Variants in HIF3A observed in about 807,000 individuals in gnomAD.
The protein encoded by HIF3A is hypoxia inducible factor 3 subunit alpha.
Under a neutral mutation model 67.2 loss-of-function variants are expected in HIF3A, and 41 were observed. That is an observed-to-expected ratio of 0.61 (90% CI 0.48 to 0.79). The LOEUF is 0.79. HIF3A is among the 30% of genes least tolerant of loss of function. The pLI is 0.00. For missense variants in HIF3A, 855 were observed against 898.0 expected (o/e 0.95, Z 0.61); for synonymous variants, 356 against 374.8 (o/e 0.95, Z 0.58).
chr19:46,339,216 T>C (rs1406441046), intron 14 of HIF3A, among the ~76,000 whole-genome samples: 4 of 151,902 alleles, frequency 2.6e-5, no homozygotes, highest in Non-Finnish European at 5.9e-5. Flanking sequence ...TAAAAAAAAA[T>C]CAAATGTTTA....
intron 3 of HIF3A, among the ~76,000 whole-genome samples, chr19:46,307,353 G>A (rs971438979): frequency 1.3e-5 from 2 of 152,176 alleles, no homozygotes; most frequent in African/African-American, 4.8e-5. Context: ...TGTAATTCCA[G>A]TACTTTGGGA....
intron 3 of HIF3A, among the ~76,000 whole-genome samples, chr19:46,305,846 AT>A (rs1268672085): frequency 6.6e-6 from 1 of 152,140 alleles, no homozygotes; most frequent in Non-Finnish European, 1.5e-5. Context: ...AGAGGCCAAG[AT>A]GGGAGGATAG....
chr19:46,307,037 C>T lies in HIF3A; in HGVS notation c.364-1184C>T, dbSNP rs77603397. ...TCGGGGCCTTGCGCTTACTATTCCC[C>T]TCTTTCTAGAATACTCTTACTCCAG... On this transcript the variant is annotated intron_variant, in intron 3 of 14. Coordinates refer to ENST00000377670, the MANE Select transcript of HIF3A (RefSeq NM_152795.4). 6.0e-3 allele frequency among the ~76,000 whole-genome samples: 910 copies of T among 152,236 alleles called. 9 individuals carry two copies. The highest frequency in any genetic ancestry group is 0.021 in the African/African-American group (870 of 41,532).
At position 46,308,748 on chromosome 19, in the gene HIF3A, C is replaced by G; in HGVS notation, c.534C>G (p.Thr178=). The change falls in exon 5 of 15, where the codon ACC becomes ACG. Residue 178 remains threonine (T), a synonymous_variant. Transcript: ENST00000377670. The part of the protein sequence containing the change: ...MKSTLTSRGR[T]LNLKAATWKV... ...GTACACTCACCAGCCGCGGGCGCAC[C>G]CTCAACCTCAAGGCGGCCACCTGGA... 2 of 1,609,088 alleles carry G rather than the reference C, an allele frequency of 1.2e-6. No homozygotes were observed. The highest frequency in any genetic ancestry group is 1.7e-6 in the Non-Finnish European group (2 of 1,177,784).
chr19:46,322,735 C>G (rs1361996957), intron 10 of HIF3A, among the ~76,000 whole-genome samples: 2 of 152,166 alleles, frequency 1.3e-5, no homozygotes, highest in Non-Finnish European at 2.9e-5. Flanking sequence ...GCCACCGTAC[C>G]TGGCTCTTTG....
At chr19:46,316,721 T>G (rs1033286527) in intron 8 of HIF3A, among the ~76,000 whole-genome samples, 8 of 150,476 alleles carry the variant, frequency 5.3e-5, no homozygotes, top group African/African-American at 2.0e-4. Flanking sequence ...GAGAATCACT[T>G]GAACCCCGGA....
intron 11 of HIF3A, among the ~76,000 whole-genome samples, chr19:46,328,434 TA>T (rs753911442): frequency 9.2e-5 from 14 of 152,232 alleles, no homozygotes; most frequent in Non-Finnish European, 1.9e-4. Flanking sequence ...TTAGGAGAAA[TA>T]TTTTTTTATC....
At chr19:46,298,888 G>A (rs1005844099) in intron 1 of HIF3A, among the ~76,000 whole-genome samples, 1 of 150,660 alleles carries the variant, frequency 6.6e-6, no homozygotes, top group African/African-American at 2.4e-5. Flanking sequence ...TTCGTAAGAC[G>A]CCCCCCCCCA....
At chr19:46,326,535 ACACTCACC>A (rs1320568629) in intron 11 of HIF3A, among the ~76,000 whole-genome samples, 1 of 152,100 alleles carries the variant, frequency 6.6e-6, no homozygotes, top group Non-Finnish European at 1.5e-5. Context: ...CATGCAAAAT[ACACTCACC>A]CACCTCTCAA....
Position 46,332,783 on chromosome 19 carries a change from A to T in HIF3A, c.1830+1510A>T, listed in dbSNP as rs140595667. The stretch of plus-strand genomic sequence containing the variant: ...ATAATCACTTGAAGTCTGGAGTTCA[A>T]GTCCAGCCTGGCCAACATGGTGAAA... On this transcript the variant is annotated intron_variant, in intron 13 of 14. Coordinates refer to ENST00000377670, the MANE Select transcript of HIF3A (RefSeq NM_152795.4). Among the ~76,000 whole-genome samples, 772 of 152,282 alleles carry T rather than the reference A, an allele frequency of 5.1e-3. 8 individuals are homozygous for T. Among genetic ancestry groups the T allele is most frequent in the African/African-American group, 0.018 (744 of 41,552 alleles).
At chr19:46,320,208 C>T (rs575563151) in intron 8 of HIF3A, 39 of 415,232 alleles carry the variant, frequency 9.4e-5, no homozygotes, top group African/African-American at 3.1e-4. Flanking sequence ...CCAGCCTGGG[C>T]GACAGAGTGA....
intron 14 of HIF3A, among the ~76,000 whole-genome samples, chr19:46,337,970 G>A (rs1213153801): frequency 6.6e-6 from 1 of 152,168 alleles, no homozygotes; most frequent in Non-Finnish European, 1.5e-5. Flanking sequence ...GGTGGGCGGT[G>A]GCTAAGCACA....
intron 1 of HIF3A, chr19:46,303,466 AG>A: frequency 1.6e-6 from 1 of 621,348 alleles, no homozygotes; most frequent in Non-Finnish European, 2.8e-6. Context: ...ACTGCAGGGC[AG>A]GGGGCCTGGG....
intron 1 of HIF3A, among the ~76,000 whole-genome samples, chr19:46,302,426 G>A (rs1386972557): frequency 1.3e-5 from 2 of 150,882 alleles, no homozygotes. Flanking sequence ...CACTGCGCCC[G>A]GCCTGTTTTT....
At chr19:46,313,249 TCAAA>T (rs111621893) in intron 8 of HIF3A, 768,077 of 873,646 alleles carry the variant, frequency 0.88, 339,553 homozygotes, top group Non-Finnish European at 0.89. Context: ...AGACTCTGTC[TCAAA>T]CAAACAAACA....
In HIF3A at chr19:46,341,661, G is replaced by A. The variant is rs926644019; in HGVS notation, c.*2039G>A. On this transcript the variant is annotated 3_prime_UTR_variant, in exon 15 of 15. Transcript: ENST00000377670. ...CTTCTTTTTTTTTTTTTTCTTTTTT[G>A]AGATGGAGTCTCTCTCTGTTGCCCA... 1 of 112,152 alleles carries A rather than the reference G, an allele frequency of 8.9e-6. No individual in the cohort carries two copies. Among genetic ancestry groups the A allele is most frequent in the African/African-American group, 3.5e-5 (1 of 28,970 alleles). 6.9% of individuals were successfully genotyped at this position (112,152 alleles called of 1,614,324 possible).
intron 8 of HIF3A, among the ~76,000 whole-genome samples, chr19:46,317,931 C>T (rs186092481): frequency 3.0e-4 from 45 of 152,056 alleles, no homozygotes; most frequent in African/African-American, 9.6e-4. Flanking sequence ...CTTAGCCTCC[C>T]GGGTTCAAGT....
intron 9 of HIF3A, among the ~76,000 whole-genome samples, chr19:46,321,409 C>A (rs1970350961): frequency 6.6e-6 from 1 of 152,146 alleles, no homozygotes; most frequent in Admixed American, 6.6e-5. Context: ...CATGGTGAAA[C>A]CCTGTCTCTA....
intron 8 of HIF3A, among the ~76,000 whole-genome samples, chr19:46,315,353 C>T (rs1209111565): frequency 6.8e-6 from 1 of 147,104 alleles, no homozygotes; most frequent in Non-Finnish European, 1.5e-5. Flanking sequence ...AGGCGTGAGC[C>T]ACCGCGCCCA....
Sources: allele counts gnomAD v4.1 joint callset (sites outside exome capture counted in the v4.1 genomes callset), GRCh38; gene constraint gnomAD v4.1.1; transcripts MANE v1.5; gene names NCBI Gene and HGNC (gene_info 2026-07-23, HGNC 2026-07-21).